CSMD1: variants seen among roughly 807,000 people sequenced by gnomAD.
The protein encoded by CSMD1 is CUB and Sushi multiple domains 1, also known as CUB and sushi domain-containing protein 1.
Under a neutral mutation model 417.5 loss-of-function variants are expected in CSMD1, and 213 were observed. That is an observed-to-expected ratio of 0.51 (90% CI 0.46 to 0.57). The LOEUF (loss-of-function observed/expected upper bound fraction) is 0.57, where lower values mean the gene tolerates loss of function less well. Among genes scored for constraint, CSMD1 ranks in the 20% least tolerant of loss-of-function variants. The probability of loss-of-function intolerance (pLI) is 0.00; values close to 1 mark genes in which losing one functional copy is unlikely to be tolerated. For synonymous variants in CSMD1, 2,862 were observed against 1,736.8 expected (o/e 1.65, Z -16.11); for missense variants, 6,923 against 4,529.7 (o/e 1.53, Z -15.17).
intron 1 of CSMD1, among the ~76,000 whole-genome samples, chr8:4,993,442 C>G (rs1034892500): frequency 3.9e-5 from 6 of 152,174 alleles, no homozygotes; most frequent in Non-Finnish European, 7.3e-5. Context: ...TATGTTCTTT[C>G]CCGGAGAATA....
intron 3 of CSMD1, among the ~76,000 whole-genome samples, chr8:4,042,850 G>A (rs969899767): frequency 1.3e-4 from 8 of 61,184 alleles, no homozygotes; most frequent in East Asian, 3.2e-4. Context: ...AAAGCAGGCT[G>A]GGCACGGTGG....
intron 2 of CSMD1, among the ~76,000 whole-genome samples, chr8:4,471,206 A>G (rs1376814575): frequency 6.6e-6 from 1 of 152,338 alleles, no homozygotes; most frequent in Non-Finnish European, 1.5e-5. Context: ...TGGAAAAACA[A>G]TCTTAGAAAA....
At chr8:4,948,720 G>C (rs1171947402) in intron 1 of CSMD1, among the ~76,000 whole-genome samples, 3 of 151,768 alleles carry the variant, frequency 2.0e-5, no homozygotes, top group African/African-American at 4.8e-5. Flanking sequence ...TTTCTATGTA[G>C]GCATCTGTAC....
chr8:4,668,526 T>G (rs1463621820), intron 1 of CSMD1, among the ~76,000 whole-genome samples: 1 of 151,126 alleles, frequency 6.6e-6, no homozygotes, highest in Non-Finnish European at 1.5e-5. Flanking sequence ...CTCAGCTCAC[T>G]GCAAGCTCCG....
intron 3 of CSMD1, among the ~76,000 whole-genome samples, chr8:4,321,782 T>A (rs1563451069): frequency 6.6e-6 from 1 of 152,050 alleles, no homozygotes; most frequent in African/African-American, 2.4e-5. Context: ...AAATTTACAA[T>A]TTTTTTTCTA....
chr8:3,958,906 C>G (rs1812142866), intron 5 of CSMD1, among the ~76,000 whole-genome samples: 1 of 152,184 alleles, frequency 6.6e-6, no homozygotes, highest in African/African-American at 2.4e-5. Flanking sequence ...CGTGACAATT[C>G]TAATATACAA....
At chr8:3,356,080 G>C (rs974186429) in intron 21 of CSMD1, among the ~76,000 whole-genome samples, 1 of 152,202 alleles carries the variant, frequency 6.6e-6, no homozygotes, top group African/African-American at 2.4e-5. Flanking sequence ...ATGCTCACTA[G>C]AAATTCCATT....
intron 3 of CSMD1, among the ~76,000 whole-genome samples, chr8:4,240,916 AAAT>A (rs1286869430): frequency 6.6e-6 from 1 of 152,162 alleles, no homozygotes; most frequent in Non-Finnish European, 1.5e-5. Flanking sequence ...AAATAGTTTA[AAAT>A]TATTTTTCCA....
chr8:3,391,965 A>G (rs1263203792), intron 17 of CSMD1, among the ~76,000 whole-genome samples: 3 of 152,114 alleles, frequency 2.0e-5, no homozygotes, highest in African/African-American at 7.2e-5. Flanking sequence ...TGGGTCATGG[A>G]TGAAGCTGGA....
chr8:3,531,695 C>G (rs1158124452), intron 10 of CSMD1, among the ~76,000 whole-genome samples: 1 of 152,196 alleles, frequency 6.6e-6, no homozygotes, highest in Non-Finnish European at 1.5e-5. Context: ...AAAGAGTCCT[C>G]AGCAGAACTT....
intron 3 of CSMD1, among the ~76,000 whole-genome samples, chr8:4,042,221 T>C: frequency 6.6e-6 from 1 of 152,226 alleles, no homozygotes; most frequent in Non-Finnish European, 1.5e-5. Flanking sequence ...GAGCACCATA[T>C]CACACATGTC....
intron 7 of CSMD1, among the ~76,000 whole-genome samples, chr8:3,662,227 A>C (rs1486136259): frequency 6.6e-6 from 1 of 152,236 alleles, no homozygotes; most frequent in Non-Finnish European, 1.5e-5. Flanking sequence ...AGGAAAACAC[A>C]GTATGTTCAA....
At chr8:4,288,886 G>A (rs1444527030) in intron 3 of CSMD1, among the ~76,000 whole-genome samples, 2 of 152,124 alleles carry the variant, frequency 1.3e-5, no homozygotes, top group African/African-American at 2.4e-5. Flanking sequence ...GTAAATATTA[G>A]TTACTTAACA....
chr8:4,164,616 T>A (rs1290652424), intron 3 of CSMD1, among the ~76,000 whole-genome samples: 1 of 152,224 alleles, frequency 6.6e-6, no homozygotes, highest in African/African-American at 2.4e-5. Flanking sequence ...GGTACCTTAT[T>A]GGTTTACATA....
chr8:4,917,186 G>A (rs1252420814), intron 1 of CSMD1, among the ~76,000 whole-genome samples: 3 of 152,328 alleles, frequency 2.0e-5, no homozygotes, highest in Admixed American at 6.5e-5. Context: ...ACAGAGAGAA[G>A]TGGGAGGTGC....
At chr8:4,138,503 A>T (rs1803576611) in intron 3 of CSMD1, among the ~76,000 whole-genome samples, 1 of 152,146 alleles carries the variant, frequency 6.6e-6, no homozygotes, top group Admixed American at 6.5e-5. Flanking sequence ...CTAAAAATGT[A>T]CAAAATCTCA....
chr8:4,888,032 C>T (rs1461612119), intron 1 of CSMD1, among the ~76,000 whole-genome samples: 2 of 151,868 alleles, frequency 1.3e-5, no homozygotes, highest in Non-Finnish European at 2.9e-5. Context: ...TTTTTTGACC[C>T]ATATATGCCA....
At chr8:3,603,048 G>T (rs536724984) in intron 8 of CSMD1, among the ~76,000 whole-genome samples, 1 of 152,312 alleles carries the variant, frequency 6.6e-6, no homozygotes, top group East Asian at 1.9e-4. Context: ...TTGCTTATCA[G>T]AAGCAAGTTT....
At chr8:3,927,699 T>C (rs1190047671) in intron 5 of CSMD1, among the ~76,000 whole-genome samples, 2 of 151,928 alleles carry the variant, frequency 1.3e-5, no homozygotes, top group Non-Finnish European at 2.9e-5. Flanking sequence ...AGAAAACAAT[T>C]AATATTTTCT....
Sources: gnomAD v4.1 joint callset for allele counts (sites outside exome capture counted in the v4.1 genomes callset) on GRCh38, gnomAD v4.1.1 for gene constraint, MANE v1.5 for transcripts, NCBI Gene and HGNC (gene_info 2026-07-23, HGNC 2026-07-21) for gene names.